Variants in RAD51B observed in about 807,000 individuals in gnomAD.
The protein encoded by RAD51B is DNA repair protein RAD51 homolog 2.
Under a neutral mutation model 42.2 loss-of-function variants are expected in RAD51B, and 38 were observed. The ratio of observed to expected loss-of-function variants is 0.90; its 90% CI spans 0.70 to 1.18. RAD51B has a LOEUF of 1.18. Among genes scored for constraint, RAD51B ranks in the 50% most tolerant of loss-of-function variants. The pLI is 0.00. For missense variants in RAD51B, 373 were observed against 400.7 expected (o/e 0.93, Z 0.59); for synonymous variants, 154 against 145.2 (o/e 1.06, Z -0.43).
rs35100877 is a variant in RAD51B at position 68,263,688 on chromosome 14, C to T, written c.757-28196C>T. On this transcript the variant is annotated intron_variant, in intron 7 of 10. Coordinates refer to ENST00000471583, the MANE Select transcript of RAD51B (RefSeq NM_133510.4). ...AAATGAATATGTCAGACTTTCAATT[C>T]GGAAACTTGAGTCAAATCAGCAGTC... Among the ~76,000 whole-genome samples, 363 of 152,236 alleles carry T rather than the reference C, an allele frequency of 2.4e-3. 1 individual carries two copies. The highest frequency in any genetic ancestry group is 4.0e-3 in the Non-Finnish European group (270 of 68,002).
chr14:68,496,786 C>T (rs1473554252), intron 10 of RAD51B, among the ~76,000 whole-genome samples: 1 of 152,232 alleles, frequency 6.6e-6, no homozygotes, highest in South Asian at 2.1e-4. Flanking sequence ...GATTTCCACC[C>T]TCATGAATGA....
At chr14:67,879,106 A>G (rs1279251487) in intron 5 of RAD51B, among the ~76,000 whole-genome samples, 1 of 152,234 alleles carries the variant, frequency 6.6e-6, no homozygotes, top group Non-Finnish European at 1.5e-5. Context: ...AAGAATTGGC[A>G]TATGCAGATG....
At chr14:68,301,637 C>T (rs1036542948) in intron 8 of RAD51B, among the ~76,000 whole-genome samples, 16 of 140,588 alleles carry the variant, frequency 1.1e-4, no homozygotes, top group Admixed American at 1.1e-3. Flanking sequence ...TACTCCATCG[C>T]CCAGGCTGGA....
chr14:68,599,497 TCTAAGAC>T (rs1891135249), downstream of RAD51B, among the ~76,000 whole-genome samples: 1 of 151,876 alleles, frequency 6.6e-6, no homozygotes, highest in South Asian at 2.1e-4. Context: ...GCCATCTGAC[TCTAAGAC>T]CTAAGAACTT....
intron 7 of RAD51B, among the ~76,000 whole-genome samples, chr14:67,912,726 G>A (rs1367097613): frequency 6.8e-6 from 1 of 147,144 alleles, no homozygotes; most frequent in Admixed American, 6.8e-5. Context: ...TTTTTTTTGA[G>A]ATGGAGTCTC....
chr14:68,581,043 A>G (rs1167331952), intron 10 of RAD51B, among the ~76,000 whole-genome samples: 1 of 152,076 alleles, frequency 6.6e-6, no homozygotes, highest in Non-Finnish European at 1.5e-5. Flanking sequence ...TTGCAACTGT[A>G]ATGTAGGATT....
intron 11 of RAD51B, among the ~76,000 whole-genome samples, chr14:68,674,008 C>G (rs1380349122): frequency 1.3e-5 from 2 of 152,128 alleles, no homozygotes; most frequent in African/African-American, 4.8e-5. Flanking sequence ...TATACATCCA[C>G]ACATGTACAC....
At position 67,825,536 on chromosome 14, in the gene RAD51B, C is replaced by G; in HGVS notation, c.157C>G (p.Leu53Val). The G allele has an allele frequency of 1.9e-6, 3 of 1,613,434 alleles. No individual in the cohort carries two copies. The South Asian group carries it at 3.3e-5, about 18-fold the overall frequency. The part of the protein sequence containing the change: ...GLSYRGVHEL[L>V]CMVSRACAPK... ...GAGTTATCGAGGTGTCCATGAACTT[C>G]TATGTATGGTCAGCAGGGCCTGTGC... is the stretch of plus-strand genomic sequence containing the variant. The change falls in exon 3 of 11, where the codon CTA becomes GTA. Residue 53 changes from leucine to valine, a missense_variant. Leu to Val is a conservative substitution (Grantham distance 32). Coordinates refer to ENST00000471583, the MANE Select transcript of RAD51B (RefSeq NM_133510.4).
chr14:68,468,920 G>C (rs191628779), intron 10 of RAD51B, among the ~76,000 whole-genome samples: 26 of 152,314 alleles, frequency 1.7e-4, no homozygotes, highest in African/African-American at 5.5e-4. Context: ...ATACGCCAGT[G>C]GTTAGGAAAG....
intron 7 of RAD51B, among the ~76,000 whole-genome samples, chr14:68,213,320 A>AT (rs2079749270): frequency 6.6e-6 from 1 of 152,162 alleles, no homozygotes; most frequent in Non-Finnish European, 1.5e-5. Flanking sequence ...CATTCTATAG[A>AT]TAGATGTAGA....
intron 9 of RAD51B, among the ~76,000 whole-genome samples, chr14:68,450,569 T>G (rs991811070): frequency 1.3e-5 from 2 of 152,166 alleles, no homozygotes; most frequent in Non-Finnish European, 2.9e-5. Flanking sequence ...GTTCCACCTC[T>G]GAAGGGCCCT....
At chr14:68,599,612 C>A (rs1333123170), downstream of RAD51B, among the ~76,000 whole-genome samples, 6 of 152,238 alleles carry the variant, frequency 3.9e-5, no homozygotes, top group African/African-American at 9.7e-5. Flanking sequence ...CTACATTAAA[C>A]TTGTACCCGT....
rs1484404176 is a variant in RAD51B, at chr14:68,004,924, T to A, written c.756+117720T>A. Among the ~76,000 whole-genome samples, 5 of 152,114 alleles carry A rather than the reference T, an allele frequency of 3.3e-5. No homozygotes were observed. In the East Asian group the frequency reaches 9.6e-4, roughly 29 times the overall value. On this transcript the variant is annotated intron_variant, in intron 7 of 10. Transcript: ENST00000471583. ...AGTGTATTTGTGAGATTCATCATGTTGTATTGTGTAGTTGTGGTTCATTCT... is the reference window on the plus strand; with the variant it reads ...AGTGTATTTGTGAGATTCATCATGTAGTATTGTGTAGTTGTGGTTCATTCT...
intron 8 of RAD51B, among the ~76,000 whole-genome samples, chr14:68,313,642 C>A (rs1316474335): frequency 6.6e-6 from 1 of 152,114 alleles, no homozygotes; most frequent in Non-Finnish European, 1.5e-5. Context: ...TTTTGGGCAC[C>A]CCTCTTATCT....
intron 10 of RAD51B, among the ~76,000 whole-genome samples, chr14:68,530,590 G>A (rs1367229346): frequency 6.6e-6 from 1 of 151,930 alleles, no homozygotes; most frequent in Non-Finnish European, 1.5e-5. Flanking sequence ...CAGTGGAGTA[G>A]TATCTTCAAA....
chr14:68,444,380 TG>T (rs2085371948), intron 9 of RAD51B, among the ~76,000 whole-genome samples: 1 of 152,126 alleles, frequency 6.6e-6, no homozygotes, highest in African/African-American at 2.4e-5. Context: ...TTGTAGTCAC[TG>T]GATTAGGGGG....
intron 7 of RAD51B, among the ~76,000 whole-genome samples, chr14:68,023,401 GACT>G (rs2075900851): frequency 6.6e-6 from 1 of 151,972 alleles, no homozygotes; most frequent in Admixed American, 6.6e-5. Context: ...AGTCCTGGCT[GACT>G]GCAACCTCCG....
intron 10 of RAD51B, among the ~76,000 whole-genome samples, chr14:68,607,847 T>C (rs1891513162): frequency 6.6e-6 from 1 of 152,004 alleles, no homozygotes; most frequent in Non-Finnish European, 1.5e-5. Flanking sequence ...GGGCTGTCGA[T>C]TACCCGGGAG....
At chr14:68,430,345 G>A (rs1210741660) in intron 9 of RAD51B, among the ~76,000 whole-genome samples, 1 of 152,194 alleles carries the variant, frequency 6.6e-6, no homozygotes, top group Non-Finnish European at 1.5e-5. Context: ...GGGCAGTATG[G>A]CCATTTTCAC....
Sources: gnomAD v4.1 joint callset for allele counts (sites outside exome capture counted in the v4.1 genomes callset) on GRCh38, gnomAD v4.1.1 for gene constraint, MANE v1.5 for transcripts, NCBI Gene and HGNC (gene_info 2026-07-23, HGNC 2026-07-21) for gene names.